Variants in PHACTR1 observed in about 807,000 individuals in gnomAD.
PHACTR1 encodes the protein phosphatase and actin regulator 1, also known as RPEL repeat containing 1.
Under a neutral mutation model 69.2 loss-of-function variants are expected in PHACTR1, and 16 were observed. That is an observed-to-expected ratio of 0.23 (90% CI 0.16 to 0.35). PHACTR1 has a LOEUF of 0.35. Among genes scored for constraint, PHACTR1 ranks in the 10% least tolerant of loss-of-function variants. The probability of loss-of-function intolerance (pLI) is 1.00; values close to 1 mark genes in which losing one functional copy is unlikely to be tolerated. For missense variants in PHACTR1, 510 were observed against 734.7 expected, an observed-to-expected ratio of 0.69 and a Z score of 3.54; for synonymous variants, 312 against 284.5, an observed-to-expected ratio of 1.10 and a Z score of -0.97.
chr6:12,819,356 C>T (rs1170685150), intron 4 of PHACTR1, among the ~76,000 whole-genome samples: 2 of 152,112 alleles, frequency 1.3e-5, no homozygotes, highest in East Asian at 1.9e-4. Context: ...CTCTTTTGTT[C>T]CACAGTAGCT....
intron 10 of PHACTR1, among the ~76,000 whole-genome samples, chr6:13,260,532 T>C (rs952106491): frequency 9.9e-5 from 15 of 152,184 alleles, no homozygotes; most frequent in African/African-American, 3.6e-4. Flanking sequence ...ACTAAAATAC[T>C]AAGAATTTTG....
At chr6:12,830,549 C>G (rs1460885020) in intron 4 of PHACTR1, among the ~76,000 whole-genome samples, 2 of 151,352 alleles carry the variant, frequency 1.3e-5, no homozygotes, top group Non-Finnish European at 2.9e-5. Flanking sequence ...TAACTGAAGA[C>G]TCATTTCTTC....
intron 6 of PHACTR1, among the ~76,000 whole-genome samples, chr6:13,164,610 T>C (rs1484245053): frequency 2.6e-5 from 4 of 152,230 alleles, no homozygotes; most frequent in Non-Finnish European, 5.9e-5. Context: ...AATTTGTCTT[T>C]AGTAGGTAGG....
chr6:13,156,259 G>A (rs560660131), intron 5 of PHACTR1, among the ~76,000 whole-genome samples: 130 of 152,224 alleles, frequency 8.5e-4, no homozygotes, highest in South Asian at 1.7e-3. Context: ...CTGTGCATTC[G>A]CTGTGGGCTC....
chr6:12,985,621 A>AT (rs1300510269), intron 4 of PHACTR1, among the ~76,000 whole-genome samples: 1 of 150,712 alleles, frequency 6.6e-6, no homozygotes, highest in Non-Finnish European at 1.5e-5. Flanking sequence ...AGTTAATAGT[A>AT]TTTTTTATAA....
chr6:12,820,714 T>C (rs1776108589), intron 4 of PHACTR1, among the ~76,000 whole-genome samples: 1 of 152,130 alleles, frequency 6.6e-6, no homozygotes, highest in South Asian at 2.1e-4. Flanking sequence ...TAATTGGAAA[T>C]CAAAGCATGA....
At chr6:12,868,864 G>T (rs1250975754) in intron 4 of PHACTR1, among the ~76,000 whole-genome samples, 3 of 151,966 alleles carry the variant, frequency 2.0e-5, no homozygotes, top group Non-Finnish European at 2.9e-5. Flanking sequence ...TTCACCAAAA[G>T]CCAGGAAAAT....
intron 4 of PHACTR1, among the ~76,000 whole-genome samples, chr6:12,760,879 G>T (rs2127610717): frequency 6.6e-6 from 1 of 152,362 alleles, no homozygotes; most frequent in Non-Finnish European, 1.5e-5. Context: ...GATGAAGTGA[G>T]CTGAGATCGT....
At chr6:13,198,761 T>C (rs1323986399) in intron 7 of PHACTR1, among the ~76,000 whole-genome samples, 1 of 152,132 alleles carries the variant, frequency 6.6e-6, no homozygotes, top group Non-Finnish European at 1.5e-5. Flanking sequence ...AACCTTGCCA[T>C]AACACATTAT....
intron 4 of PHACTR1, among the ~76,000 whole-genome samples, chr6:12,949,794 G>C (rs1791091169): frequency 6.6e-6 from 1 of 152,134 alleles, no homozygotes; most frequent in Non-Finnish European, 1.5e-5. Context: ...AATCAATCTG[G>C]ATCAATGGTG....
At chr6:13,190,905 A>G (rs977851271) in intron 7 of PHACTR1, among the ~76,000 whole-genome samples, 2 of 152,000 alleles carry the variant, frequency 1.3e-5, no homozygotes, top group Non-Finnish European at 2.9e-5. Context: ...GACCTGTGTT[A>G]TTTTCAGCCC....
intron 4 of PHACTR1, among the ~76,000 whole-genome samples, chr6:12,785,788 C>T (rs540645785): frequency 5.1e-4 from 78 of 152,198 alleles, no homozygotes; most frequent in African/African-American, 1.8e-3. Flanking sequence ...TTATATGTAC[C>T]ATATACAATA....
chr6:13,137,599 A>G (rs916210228), intron 5 of PHACTR1, among the ~76,000 whole-genome samples: 2 of 152,250 alleles, frequency 1.3e-5, no homozygotes, highest in Admixed American at 6.5e-5. Context: ...TATGTTTAGC[A>G]GTTCCTGTTG....
chr6:13,211,834 C>T (rs1026456443), intron 8 of PHACTR1, among the ~76,000 whole-genome samples: 1 of 152,170 alleles, frequency 6.6e-6, no homozygotes, highest in African/African-American at 2.4e-5. Context: ...TGCAGCCCAT[C>T]CCCACTACAA....
chr6:12,897,469 A>G (rs1784773980), intron 4 of PHACTR1, among the ~76,000 whole-genome samples: 2 of 152,016 alleles, frequency 1.3e-5, no homozygotes, highest in Admixed American at 1.3e-4. Flanking sequence ...CTCCCATGCT[A>G]CAAATAAAGC....
chr6:12,732,372 A>C (rs1412714964), intron 3 of PHACTR1, among the ~76,000 whole-genome samples: 1 of 152,010 alleles, frequency 6.6e-6, no homozygotes, highest in African/African-American at 2.4e-5. Context: ...AGTTCTTCTA[A>C]AAAATGGGGT....
At chr6:13,259,466 C>T (rs994874245) in intron 10 of PHACTR1, among the ~76,000 whole-genome samples, 1 of 152,162 alleles carries the variant, frequency 6.6e-6, no homozygotes, top group African/African-American at 2.4e-5. Context: ...GGGGTCATAG[C>T]CTCCAGAGAA....
chr6:12,778,524 T>A (rs149575035), intron 4 of PHACTR1, among the ~76,000 whole-genome samples: 1 of 152,372 alleles, frequency 6.6e-6, no homozygotes, highest in African/African-American at 2.4e-5. Flanking sequence ...GTCCACTTTT[T>A]AATTCTTGCC....
At chr6:12,874,575 G>A (rs1782360404) in intron 4 of PHACTR1, among the ~76,000 whole-genome samples, 1 of 151,992 alleles carries the variant, frequency 6.6e-6, no homozygotes, top group African/African-American at 2.4e-5. Flanking sequence ...TAATTGGTAG[G>A]CTACATAAGG....
Sources: gnomAD v4.1 joint callset for allele counts (sites outside exome capture counted in the v4.1 genomes callset) on GRCh38, gnomAD v4.1.1 for gene constraint, MANE v1.5 for transcripts, NCBI Gene and HGNC (gene_info 2026-07-23, HGNC 2026-07-21) for gene names.